Variants in ARHGEF18 observed in about 807,000 individuals in gnomAD.
ARHGEF18 encodes Rho/Rac guanine nucleotide exchange factor 18.
In ARHGEF18, 93 loss-of-function variants were observed where a neutral mutation model predicts 155.7. The observed-to-expected ratio is 0.60, with a 90% CI of 0.50 to 0.71. The LOEUF is 0.71. ARHGEF18 is among the 30% of genes least tolerant of loss of function. The pLI, the probability that ARHGEF18 is intolerant of heterozygous loss-of-function variation, is 0.00. For missense variants in ARHGEF18, 1,593 were observed against 1,816.1 expected (o/e 0.88, Z 2.23); for synonymous variants, 742 against 753.1 (o/e 0.99, Z 0.24).
intron 3 of ARHGEF18, 43 bp downstream of exon 3, chr19:7,373,114 G>C (rs1053787144): frequency 8.1e-7 from 1 of 1,234,128 alleles, no homozygotes; most frequent in Non-Finnish European, 1.0e-6. Flanking sequence ...TGCACCCCTG[G>C]GACAGGGAAG....
At position 7,349,553 on chromosome 19, in the gene ARHGEF18, G is replaced by A. The variant is rs143142788; in HGVS notation, c.-111+312G>A. 4.1e-4 allele frequency among the ~76,000 whole-genome samples: 63 copies of A among 152,004 alleles called. No individual in the cohort carries two copies. The East Asian group carries it at 9.7e-3, about 23-fold the overall frequency. Reference sequence around the variant, plus strand: ...AGCACTTTGGGAGGCTGAGGAGGGCGGATCACTTGAGGTCAAGAGTTGGAG... The same window carrying A: ...AGCACTTTGGGAGGCTGAGGAGGGCAGATCACTTGAGGTCAAGAGTTGGAG... On this transcript the variant is annotated intron_variant, in intron 1 of 28. Transcript: ENST00000668164.
downstream of ARHGEF18, among the ~76,000 whole-genome samples, chr19:7,473,977 T>C (rs946617439): frequency 3.3e-5 from 5 of 149,890 alleles, no homozygotes; most frequent in Non-Finnish European, 5.9e-5. Context: ...GGTGAGACCC[T>C]GTCTATAAGA....
At chr19:7,416,108 T>C (rs1482162620) in intron 10 of ARHGEF18, among the ~76,000 whole-genome samples, 1 of 152,120 alleles carries the variant, frequency 6.6e-6, no homozygotes, top group Non-Finnish European at 1.5e-5. Context: ...ATGTTGAAAA[T>C]GACCCCTAGC....
chr19:7,457,343 A>T (rs563942348), intron 18 of ARHGEF18, among the ~76,000 whole-genome samples: 7 of 143,006 alleles, frequency 4.9e-5, no homozygotes, highest in African/African-American at 1.9e-4. Context: ...ATTTTGCCAT[A>T]ATCACCTCTC....
chr19:7,451,066 C>G (rs1600492302), intron 15 of ARHGEF18, 83 bp from the exon 16 acceptor site: 1 of 1,256,664 alleles, frequency 8.0e-7, no homozygotes, highest in Non-Finnish European at 1.2e-6. Context: ...CGGGATCTTG[C>G]TGTCCGTTTC....
intron 10 of ARHGEF18, among the ~76,000 whole-genome samples, chr19:7,411,279 T>TTCCCCTTA (rs1568309313): frequency 1.8e-5 from 1 of 55,924 alleles, no homozygotes; most frequent in Admixed American, 2.4e-4. Flanking sequence ...CCTTCCCCTT[T>TTCCCCTTA]CCCTTTCCCT....
In ARHGEF18 at chr19:7,378,377, TG is replaced by T; in HGVS notation, c.542-11del. 6.5e-6 allele frequency: 8 copies of T among 1,234,126 alleles called. No homozygotes were observed. Among genetic ancestry groups the T allele is most frequent in the Non-Finnish European group, 8.1e-6 (8 of 988,072 alleles). The allele number at this position is 1,234,126 out of a possible 1,614,324, so 76.4% of individuals were successfully genotyped here. On this transcript the variant is annotated splice_polypyrimidine_tract_variant and intron_variant, in intron 5 of 28. Transcript: ENST00000668164. ...CTCCTGACAACTGTGCTTCCTGGGA[TG>T]GGGGGCTTCTTCCAGGCCTGGAACC...
intron 20 of ARHGEF18, among the ~76,000 whole-genome samples, chr19:7,460,938 G>A (rs1199965867): frequency 3.3e-5 from 5 of 151,692 alleles, no homozygotes; most frequent in African/African-American, 7.3e-5. Flanking sequence ...ATAGGCACCC[G>A]CCACCACGCC....
At chr19:7,450,998 C>T (rs987247202) in intron 15 of ARHGEF18, 151 bp from the exon 16 acceptor site, 3 of 728,518 alleles carry the variant, frequency 4.1e-6, no homozygotes, top group Admixed American at 4.6e-5. Flanking sequence ...CAGGATCTTG[C>T]TGTCCATTTC....
chr19:7,383,059 C>T lies in ARHGEF18; in HGVS notation c.826-3C>T. 8.1e-7 allele frequency: 1 copy of T among 1,232,374 alleles called. No homozygotes were observed. Among genetic ancestry groups the T allele is most frequent in the Non-Finnish European group, 1.0e-6 (1 of 988,126 alleles). 76.3% of individuals were successfully genotyped at this position (1,232,374 alleles called of 1,614,324 possible). ...TCCTGAGACCCACCTCTGTCCCATC[C>T]AGGGGAAGAGCCCAGCACATCTGAA... On this transcript the variant is annotated splice_polypyrimidine_tract_variant and splice_region_variant and intron_variant, in intron 9 of 28. Transcript: ENST00000668164.
chr19:7,373,873 C>G, intron 3 of ARHGEF18, among the ~76,000 whole-genome samples: 1 of 123,996 alleles, frequency 8.1e-6, no homozygotes, highest in Non-Finnish European at 1.6e-5. Flanking sequence ...TTTTTTGAGA[C>G]AGAATCTCAC....
chr19:7,478,254 C>T, the ARHGEF18 span: 30 of 1,564,630 alleles, frequency 1.9e-5, no homozygotes, highest in East Asian at 2.3e-5. Context: ...GGCTGCGAGC[C>T]GGGATCCCAC....
chr19:7,383,249 C>T (rs900202913), intron 10 of ARHGEF18, 46 bp downstream of exon 10: 3 of 1,232,068 alleles, frequency 2.4e-6, no homozygotes, highest in Non-Finnish European at 3.0e-6. Flanking sequence ...CAGCCACTTT[C>T]TCTTCTTCAC....
At chr19:7,414,045 A>G (rs914924301) in intron 10 of ARHGEF18, among the ~76,000 whole-genome samples, 3 of 152,096 alleles carry the variant, frequency 2.0e-5, no homozygotes, top group Non-Finnish European at 4.4e-5. Flanking sequence ...GCGTGGGTCT[A>G]AATCAGGGTT....
chr19:7,397,121 A>G (rs1045117349), intron 10 of ARHGEF18, among the ~76,000 whole-genome samples: 1 of 149,646 alleles, frequency 6.7e-6, no homozygotes, highest in South Asian at 2.1e-4. Context: ...AAAAAAAATG[A>G]AGATGTGTTT....
chr19:7,469,116 C>T lies in ARHGEF18; in HGVS notation c.3772C>T (p.Arg1258Cys), dbSNP rs577523426. 11 of 1,600,954 alleles carry T rather than the reference C, an allele frequency of 6.9e-6. No homozygotes were observed. Among genetic ancestry groups the T allele is most frequent in the Non-Finnish European group, 9.4e-6 (11 of 1,174,788 alleles). ...DKGGKSRGSQ[R>C]WESSASFDLK... ...GGGCGGCAAGAGCAGGGGCTCTCAG[C>T]GCTGGGAGAGCTCAGGTGAGCCGGC... Residue 1258 changes from arginine to cysteine, a missense_variant, in exon 27 of 29, where the codon CGC (arginine) becomes TGC (cysteine). Arg to Cys is a radical substitution (Grantham distance 180). Coordinates refer to ENST00000668164, the MANE Select transcript of ARHGEF18 (RefSeq NM_001367823.1).
At chr19:7,355,080 A>T (rs1197261716) in intron 1 of ARHGEF18, among the ~76,000 whole-genome samples, 182 of 2,682 alleles carry the variant, frequency 0.068, 1 homozygote, top group African/African-American at 0.085. Context: ...ACACACACAC[A>T]CACACACACA....
chr19:7,372,856 C>T lies in ARHGEF18; in HGVS notation c.60C>T (p.Leu20=). The T allele has an allele frequency of 8.1e-7, 1 of 1,234,514 alleles. No homozygotes were observed. The highest frequency in any genetic ancestry group is 1.0e-6 in the Non-Finnish European group (1 of 988,282). The allele number at this position is 1,234,514 out of a possible 1,614,324, so 76.5% of individuals were successfully genotyped here. A position where few individuals can be genotyped will look rare whatever the true frequency, so the allele number is the denominator to read the frequency against. Residue 20 remains leucine (L), a synonymous_variant, in exon 3 of 29, where the codon CTC becomes CTT. Transcript: ENST00000668164. ...PRRLSESMED[L]SLDLGALQGS... ...GGCTCAGCGAGAGTATGGAGGACCT[C>T]AGCCTGGATTTGGGGGCCCTTCAGG...
chr19:7,436,299 C>T (rs1974251132), intron 10 of ARHGEF18, among the ~76,000 whole-genome samples: 1 of 148,860 alleles, frequency 6.7e-6, no homozygotes, highest in Admixed American at 6.8e-5. Context: ...TTTTTCAAGA[C>T]AGGATCTCAC....
Sources: gnomAD v4.1 joint callset for allele counts (sites outside exome capture counted in the v4.1 genomes callset) on GRCh38, gnomAD v4.1.1 for gene constraint, MANE v1.5 for transcripts, NCBI Gene and HGNC (gene_info 2026-07-23, HGNC 2026-07-21) for gene names.